Variants in GSPT1 observed in about 807,000 individuals in gnomAD.
The protein encoded by GSPT1 is G1 to S phase transition 1.
A neutral mutation model predicts 72.5 loss-of-function variants in GSPT1; 20 were observed. That is an observed-to-expected ratio of 0.28 (90% CI 0.19 to 0.40). GSPT1 has a LOEUF of 0.40. Ranked by LOEUF, GSPT1 falls within the 10% of genes least tolerant of loss-of-function variation. The probability of loss-of-function intolerance (pLI) is 1.00; values close to 1 mark genes in which losing one functional copy is unlikely to be tolerated. For missense variants in GSPT1, 580 were observed against 811.9 expected, an observed-to-expected ratio of 0.71 and a Z score of 3.47; for synonymous variants, 334 against 293.5, an observed-to-expected ratio of 1.14 and a Z score of -1.41.
rs1555506540 is a variant in GSPT1 at position 11,915,673 on chromosome 16, C to CCCGCCGCTGCTGCTCCCG, written c.47_48insCGGGAGCAGCAGCGGCGG (p.Gly16_Ser17insGlySerSerSerGlyGly). The CCCGCCGCTGCTGCTCCCG allele has an allele frequency of 6.8e-6, 10 of 1,471,900 alleles. No homozygotes were observed. Among genetic ancestry groups the CCCGCCGCTGCTGCTCCCG allele is most frequent in the Non-Finnish European group, 9.0e-6 (10 of 1,116,472 alleles). The allele number at this position is 1,471,900 out of a possible 1,614,324, so 91.2% of individuals were successfully genotyped here. On this transcript the variant is annotated inframe_insertion, in exon 1 of 15. Transcript: ENST00000434724. ...CGCTGCTGCTGCTGCCGCTGCTGCT[C>CCCGCCGCTGCTGCTCCCG]CCGCCGCCGCCGCCGCCGCCGCCGC...
At chr16:11,874,190 T>C (rs1256030996) in intron 14 of GSPT1, among the ~76,000 whole-genome samples, 1 of 152,174 alleles carries the variant, frequency 6.6e-6, no homozygotes, top group Non-Finnish European at 1.5e-5. Context: ...TATTAGTATA[T>C]GGTGATGGTT....
In GSPT1 at chr16:11,892,235, T is replaced by C. The variant is rs1439430885; in HGVS notation, c.699-1096A>G. Among the ~76,000 whole-genome samples the C allele has an allele frequency of 1.3e-5, 2 of 151,502 alleles. 1 individual carries two copies. The highest frequency in any genetic ancestry group is 1.3e-4 in the Admixed American group (2 of 15,198). ...ATGCATGCCTGTATTCCTAGCTACTTGGGAGGCTGAAGTGAGAGGATCACC... is the reference window on the plus strand; with the variant it reads ...ATGCATGCCTGTATTCCTAGCTACTCGGGAGGCTGAAGTGAGAGGATCACC... On this transcript the variant is annotated intron_variant, in intron 5 of 14. Coordinates refer to ENST00000434724, the MANE Select transcript of GSPT1 (RefSeq NM_002094.4).
intron 5 of GSPT1, among the ~76,000 whole-genome samples, chr16:11,893,475 G>A (rs1397548834): frequency 1.3e-5 from 2 of 151,174 alleles, no homozygotes; most frequent in East Asian, 3.9e-4. Flanking sequence ...AGGTACTATA[G>A]AAAAGAAAAA....
intron 1 of GSPT1, among the ~76,000 whole-genome samples, chr16:11,899,032 G>A (rs1596470616): frequency 6.6e-6 from 1 of 152,094 alleles, no homozygotes; most frequent in East Asian, 1.9e-4. Flanking sequence ...ATCTAAGTCT[G>A]CTTTTTGGAT....
chr16:11,897,044 T>G (rs193209582), intron 3 of GSPT1, among the ~76,000 whole-genome samples: 1 of 152,176 alleles, frequency 6.6e-6, no homozygotes, highest in African/African-American at 2.4e-5. Context: ...ATTTTCATAA[T>G]GGCAAACAAA....
At chr16:11,888,544 C>T (rs1317419347) in intron 6 of GSPT1, among the ~76,000 whole-genome samples, 1 of 151,854 alleles carries the variant, frequency 6.6e-6, no homozygotes, top group Non-Finnish European at 1.5e-5. Flanking sequence ...GGCGGATCAC[C>T]TGAGGTCAAG....
At chr16:11,894,514 C>A (rs2054310308) in intron 5 of GSPT1, among the ~76,000 whole-genome samples, 1 of 152,116 alleles carries the variant, frequency 6.6e-6, no homozygotes, top group African/African-American at 2.4e-5. Context: ...TCATTATTCC[C>A]ATGTATGTTA....
In GSPT1 at chr16:11,895,815, C is replaced by A. The variant is rs542317200; in HGVS notation, c.664+743G>T. Among the ~76,000 whole-genome samples, 257 of 152,166 alleles carry A rather than the reference C, an allele frequency of 1.7e-3. 5 individuals are homozygous for A. Among genetic ancestry groups the A allele is most frequent in the Non-Finnish European group, 8.4e-4 (57 of 68,008 alleles). ...CTAATTTTTGTATTTTTAGTAGAGA[C>A]GGGGTTTCACCATGTTGGCCAGGCT... On this transcript the variant is annotated intron_variant, in intron 4 of 14. Coordinates refer to ENST00000434724, the MANE Select transcript of GSPT1 (RefSeq NM_002094.4).
chr16:11,902,906 G>A (rs1411862752), intron 1 of GSPT1, among the ~76,000 whole-genome samples: 2 of 151,564 alleles, frequency 1.3e-5, no homozygotes, highest in African/African-American at 4.8e-5. Context: ...TTATAGAGAT[G>A]GTGTTTCAAT....
At chr16:11,891,267 CT>C (rs1280879090) in intron 5 of GSPT1, 128 bp from the exon 6 acceptor site, 1 of 313,572 alleles carries the variant, frequency 3.2e-6, no homozygotes, top group African/African-American at 2.3e-5. Context: ...GTGTGTCTGT[CT>C]AAAAAAATAT....
At chr16:11,898,076 T>A (rs2054362360) in intron 1 of GSPT1, 41 bp from the exon 2 acceptor site, 2 of 1,278,380 alleles carry the variant, frequency 1.6e-6, no homozygotes, top group African/African-American at 1.5e-5. Flanking sequence ...TTGATACTTA[T>A]CCATCCATTT....
intron 1 of GSPT1, among the ~76,000 whole-genome samples, chr16:11,909,467 G>C (rs1033186874): frequency 8.5e-5 from 13 of 152,080 alleles, no homozygotes; most frequent in Admixed American, 6.6e-5. Context: ...GTCTCCCGAA[G>C]ATATTTTAAA....
Position 11,886,833 on chromosome 16 carries a change from G to A in GSPT1, c.1056C>T (p.His352=). ...CCATCTTATTAATTAGCACAATTAG[G>A]TGTTTTACACCTGCTGTCTTTGCCA... is the stretch of plus-strand genomic sequence containing the variant. ...AMLAKTAGVK[H]LIVLINKMDD... is the part of the protein sequence containing the mutation. Residue 352 remains histidine, a synonymous_variant, in exon 8 of 15, where the codon CAC becomes CAT. Coordinates refer to ENST00000434724, the MANE Select transcript of GSPT1 (RefSeq NM_002094.4). 3.7e-6 allele frequency: 6 copies of A among 1,613,300 alleles called. No individual in the cohort carries two copies. The African/African-American group carries it at 5.3e-5, about 14-fold the overall frequency.
Position 11,886,938 on chromosome 16 carries a change from C to G in GSPT1, c.958-7G>C, listed in dbSNP as rs745803097. On this transcript the variant is annotated splice_region_variant and splice_polypyrimidine_tract_variant and intron_variant, in intron 7 of 14. Coordinates refer to ENST00000434724, the MANE Select transcript of GSPT1 (RefSeq NM_002094.4). ...CTTTCCTGGCTGAGATTACCTAATT[C>G]CAAGAAAGGAAACAGTTTACTCCTT... 8 of 1,612,874 alleles carry G rather than the reference C, an allele frequency of 5.0e-6. No homozygotes were observed. The highest frequency in any genetic ancestry group is 1.7e-5 in the Admixed American group (1 of 59,908).
intron 9 of GSPT1, 28 bp downstream of exon 9, chr16:11,886,443 T>C (rs972292836): frequency 6.4e-7 from 1 of 1,553,302 alleles, no homozygotes; most frequent in African/African-American, 1.4e-5. Context: ...CTTTTCCTTT[T>C]TAAAAAAAGG....
In GSPT1 at chr16:11,893,147, C is replaced by G. The variant is rs529120356; in HGVS notation, c.698+1807G>C. Among the ~76,000 whole-genome samples the G allele has an allele frequency of 8.3e-4, 126 of 151,914 alleles. 4 individuals carry two copies. In the South Asian group the frequency reaches 0.021, roughly 25 times the overall value. On this transcript the variant is annotated intron_variant, in intron 5 of 14. Transcript: ENST00000434724. ...TGGTGGTGCAAGCGTGTAGTCCCAG[C>G]TACTTGGGAGGCTGAGGTAGGAGGA...
At chr16:11,898,495 G>C (rs2054367843) in intron 1 of GSPT1, among the ~76,000 whole-genome samples, 1 of 145,120 alleles carries the variant, frequency 6.9e-6, no homozygotes, top group African/African-American at 2.6e-5. Flanking sequence ...GCCCAGGCTG[G>C]AGTTGGAGTG....
chr16:11,901,424 T>G (rs1436398617), intron 1 of GSPT1, among the ~76,000 whole-genome samples: 1 of 152,184 alleles, frequency 6.6e-6, no homozygotes, highest in Non-Finnish European at 1.5e-5. Context: ...GAAATTACAG[T>G]TTCAAATTTT....
intron 1 of GSPT1, among the ~76,000 whole-genome samples, chr16:11,906,140 G>A (rs1247800541): frequency 6.6e-6 from 1 of 151,856 alleles, no homozygotes; most frequent in Admixed American, 6.6e-5. Context: ...GGAGTGCAGT[G>A]GCACAATCTG....
Sources: gnomAD v4.1 joint callset for allele counts (sites outside exome capture counted in the v4.1 genomes callset) on GRCh38, gnomAD v4.1.1 for gene constraint, MANE v1.5 for transcripts, NCBI Gene and HGNC (gene_info 2026-07-23, HGNC 2026-07-21) for gene names.